Variants in PPP6R1 observed in about 807,000 individuals in gnomAD.
The protein encoded by PPP6R1 is protein phosphatase 6 regulatory subunit 1.
A neutral mutation model predicts 104.6 loss-of-function variants in PPP6R1; 39 were observed. That is an observed-to-expected ratio of 0.37 (90% CI 0.29 to 0.49). PPP6R1 has a LOEUF of 0.49. Ranked by LOEUF, PPP6R1 falls within the 20% of genes least tolerant of loss-of-function variation. The pLI, the probability that PPP6R1 is intolerant of heterozygous loss-of-function variation, is 0.98. For missense variants in PPP6R1, 1,181 were observed against 1,155.8 expected (o/e 1.02, Z -0.32); for synonymous variants, 549 against 479.0 (o/e 1.15, Z -1.91).
chr19:55,244,238 G>A (rs1162349885), intron 5 of PPP6R1, among the ~76,000 whole-genome samples: 1 of 152,210 alleles, frequency 6.6e-6, no homozygotes, highest in Non-Finnish European at 1.5e-5. Flanking sequence ...GTGCGCCTCT[G>A]AGGCAGAAGT....
Position 55,231,395 on chromosome 19 carries a change from C to T in PPP6R1, c.2459+15G>A, listed in dbSNP as rs538194881. 1.8e-5 allele frequency: 29 copies of T among 1,579,256 alleles called. No individual in the cohort carries two copies. The highest frequency in any genetic ancestry group is 1.0e-4 in the South Asian group (9 of 85,904). Reference sequence around the variant, plus strand: ...GACTTCTCCCGATACTAGGCAGCCCCACCTCGCTGCTCACCTGTCCGAGGA... The same window carrying T: ...GACTTCTCCCGATACTAGGCAGCCCTACCTCGCTGCTCACCTGTCCGAGGA... On this transcript the variant is annotated intron_variant, in intron 21 of 23. Transcript: ENST00000412770.
At position 55,232,193 on chromosome 19, in the gene PPP6R1, G is replaced by A; in HGVS notation, c.2007C>T (p.Asp669=). ...PPGVRSGGST[D]SEDEEEEDEE... is the part of the protein sequence containing the mutation. ...CGTCCTCCTCTTCTTCGTCCTCACT[G>A]TCTGTGCTGCCTCCACTCCTGCCCC... The change falls in exon 18 of 24, where the codon GAC becomes GAT. Residue 669 remains aspartate, a synonymous_variant. Transcript: ENST00000412770. 1 of 1,554,768 alleles carries A rather than the reference G, an allele frequency of 6.4e-7. No individual in the cohort carries two copies. Among genetic ancestry groups the A allele is most frequent in the Non-Finnish European group, 8.7e-7 (1 of 1,148,934 alleles).
rs754230190 is a variant in PPP6R1 at position 55,242,215 on chromosome 19, C to T, written c.796G>A (p.Val266Ile). 5.6e-6 allele frequency: 9 copies of T among 1,613,780 alleles called. No individual in the cohort carries two copies. Among genetic ancestry groups the T allele is most frequent in the South Asian group, 1.1e-5 (1 of 91,090 alleles). ...FEGEQSQSVI[V>I]SGIQVLLTLL... is the part of the protein sequence containing the mutation. ...GTCAGCAGCACCTGGATCCCACTGA[C>T]GATGACAGACTGGCTCTGCTCCCCC... The change falls in exon 7 of 24, where the codon GTC becomes ATC. Residue 266 changes from valine to isoleucine, a missense_variant. Physicochemically the swap from Val to Ile is conservative, Grantham distance 29. Coordinates refer to ENST00000412770, the MANE Select transcript of PPP6R1 (RefSeq NM_014931.4).
In PPP6R1 at chr19:55,240,135, G is replaced by A. The variant is rs551105247; in HGVS notation, c.1362-21C>T. The A allele has an allele frequency of 1.9e-5, 30 of 1,565,516 alleles. No individual in the cohort carries two copies. The African/African-American group carries it at 2.3e-4, about 12-fold the overall frequency. On this transcript the variant is annotated intron_variant, in intron 11 of 23. Transcript: ENST00000412770. Reference sequence around the variant, plus strand: ...CACACCTGGCAAGAGTGAAGGCCGCGGCTGCAAGCCAGGACTGGACCCAGG... The same window carrying A: ...CACACCTGGCAAGAGTGAAGGCCGCAGCTGCAAGCCAGGACTGGACCCAGG...
chr19:55,228,540 G>A, downstream of PPP6R1: 1 of 1,545,110 alleles, frequency 6.5e-7, no homozygotes, highest in Non-Finnish European at 8.7e-7. Flanking sequence ...GACCCCAGCT[G>A]TACAGGCTGG....
intron 1 of PPP6R1, among the ~76,000 whole-genome samples, chr19:55,247,778 C>T (rs2087522553): frequency 6.6e-6 from 1 of 152,098 alleles, no homozygotes; most frequent in Non-Finnish European, 1.5e-5. Context: ...ACAAACACAC[C>T]CCAACCATCC....
At chr19:55,249,081 G>A (rs1227826167) in intron 1 of PPP6R1, among the ~76,000 whole-genome samples, 1 of 152,188 alleles carries the variant, frequency 6.6e-6, no homozygotes, top group Non-Finnish European at 1.5e-5. Context: ...TGGAGCAGAG[G>A]GAAGAGTTCC....
intron 17 of PPP6R1, among the ~76,000 whole-genome samples, chr19:55,234,367 T>C (rs1357308723): frequency 6.6e-6 from 1 of 152,178 alleles, no homozygotes; most frequent in Non-Finnish European, 1.5e-5. Flanking sequence ...CTCATACATA[T>C]GGTCAAATAT....
At chr19:55,251,879 ACT>A (rs1270285890) in intron 1 of PPP6R1, among the ~76,000 whole-genome samples, 3 of 151,886 alleles carry the variant, frequency 2.0e-5, no homozygotes, top group African/African-American at 4.8e-5. Context: ...ATTTATCATG[ACT>A]CTGCCAATTT....
Position 55,245,121 on chromosome 19 carries a change from T to C in PPP6R1, c.617A>G (p.Asn206Ser), listed in dbSNP as rs770590469. ...IEQIHPSKDE[N>S]QHSNASQSLC... Reference sequence around the variant, plus strand: ...CGCAGGGGCATCGGCAGCACTCACATTCTCATCCTTCGACGGGTGGATCTG... The same window carrying C: ...CGCAGGGGCATCGGCAGCACTCACACTCTCATCCTTCGACGGGTGGATCTG... The change falls in exon 5 of 24, where the codon AAT becomes AGT. Residue 206 changes from asparagine (N) to serine (S), a missense_variant and splice_region_variant. By Grantham distance (46) the Asn-to-Ser change is conservative (BLOSUM62 1). Coordinates refer to ENST00000412770, the MANE Select transcript of PPP6R1 (RefSeq NM_014931.4). This position sits in a 1 kb window ranked among gnomAD's most constrained non-coding sequence, Gnocchi z 6.4. The C allele has an allele frequency of 1.9e-6, 3 of 1,613,328 alleles. No homozygotes were observed. Among genetic ancestry groups the C allele is most frequent in the Admixed American group, 3.3e-5 (2 of 59,952 alleles).
intron 1 of PPP6R1, among the ~76,000 whole-genome samples, chr19:55,252,096 G>C (rs1185935622): frequency 6.6e-6 from 1 of 152,206 alleles, no homozygotes; most frequent in Non-Finnish European, 1.5e-5. Flanking sequence ...GAGCTTACAG[G>C]CTTCCAGGAG....
At chr19:55,246,789 A>G in intron 2 of PPP6R1, 88 bp downstream of exon 2, 1 of 1,227,526 alleles carries the variant, frequency 8.1e-7, no homozygotes, top group Admixed American at 2.6e-5. Context: ...ACTGACACTG[A>G]CGCATTTCAG....
chr19:55,234,749 C>T (rs1338806608), intron 17 of PPP6R1, among the ~76,000 whole-genome samples: 1 of 152,230 alleles, frequency 6.6e-6, no homozygotes, highest in Non-Finnish European at 1.5e-5. Flanking sequence ...ATGCATGGCA[C>T]TGCCCCACTG....
chr19:55,231,929 G>A lies in PPP6R1; in HGVS notation c.2179C>T (p.Pro727Ser). ...AGCTCTTCCTCCCCGGAGACTCGGG[G>A]GCTGGTCGGGGCATCTGTAGGCACT... Reference protein sequence around the residue: ...DPVPTDAPTSPRVSGEEELHT... With the variant: ...DPVPTDAPTSSRVSGEEELHT... Residue 727 changes from proline (P) to serine (S), a missense_variant, in exon 19 of 24, where the codon CCC (proline) becomes TCC (serine). Transcript: ENST00000412770. 7 of 1,569,330 alleles carry A rather than the reference G, an allele frequency of 4.5e-6. No homozygotes were observed. Among genetic ancestry groups the A allele is most frequent in the South Asian group, 3.5e-5 (3 of 85,220 alleles).
intron 5 of PPP6R1, among the ~76,000 whole-genome samples, chr19:55,244,376 A>ATGGACATGGG (rs1482288664): frequency 6.6e-6 from 1 of 152,212 alleles, no homozygotes; most frequent in Non-Finnish European, 1.5e-5. Context: ...GGAGAAACAC[A>ATGGACATGGG]TGGACATGGG....
intron 1 of PPP6R1, among the ~76,000 whole-genome samples, chr19:55,250,857 T>C (rs3848610): frequency 0.94 from 142,867 of 152,028 alleles, 67,226 homozygotes; most frequent in African/African-American, 0.98. Context: ...AGGCGACCCC[T>C]GCTCGTTCCC....
chr19:55,251,667 C>G (rs1045319681), intron 1 of PPP6R1, among the ~76,000 whole-genome samples: 1 of 152,162 alleles, frequency 6.6e-6, no homozygotes, highest in African/African-American at 2.4e-5. Flanking sequence ...GATGCTAGAC[C>G]TCCTCAAGGG....
intron 1 of PPP6R1, chr19:55,255,762 T>TC (rs2087587975): frequency 6.6e-6 from 1 of 152,490 alleles, no homozygotes; most frequent in African/African-American, 2.4e-5. Context: ...CCGGAGCTCT[T>TC]CGAGTCTGAC....
intron 1 of PPP6R1, among the ~76,000 whole-genome samples, chr19:55,251,198 T>C (rs1049308273): frequency 1.3e-5 from 2 of 152,168 alleles, no homozygotes; most frequent in African/African-American, 2.4e-5. Context: ...TGGAAGCATC[T>C]CTGTGACACA....
Sources: allele counts gnomAD v4.1 joint callset (sites outside exome capture counted in the v4.1 genomes callset), GRCh38; gene constraint gnomAD v4.1.1; non-coding constraint Gnocchi (gnomAD v3.1); transcripts MANE v1.5; gene names NCBI Gene and HGNC (gene_info 2026-07-23, HGNC 2026-07-21).